Variants in APPBP2 observed in about 807,000 individuals in gnomAD.
APPBP2 encodes the protein amyloid protein-binding protein 2.
In APPBP2, 15 loss-of-function variants were observed where a neutral mutation model predicts 76.0. That is an observed-to-expected ratio of 0.20 (90% CI 0.13 to 0.30). The LOEUF is 0.30. Among genes scored for constraint, APPBP2 ranks in the 10% least tolerant of loss-of-function variants. The pLI is 1.00. For synonymous variants in APPBP2, 222 were observed against 242.2 expected (o/e 0.92, Z 0.77); for missense variants, 401 against 687.2 (o/e 0.58, Z 4.66).
At chr17:60,505,443 G>A (rs1008266201) in intron 1 of APPBP2, among the ~76,000 whole-genome samples, 4 of 152,186 alleles carry the variant, frequency 2.6e-5, no homozygotes, top group African/African-American at 9.7e-5. Flanking sequence ...AGCCTCCAGA[G>A]TAGCTGGGAC....
At chr17:60,507,047 A>T (rs986879743) in intron 1 of APPBP2, among the ~76,000 whole-genome samples, 4 of 151,594 alleles carry the variant, frequency 2.6e-5, no homozygotes, top group East Asian at 1.9e-4. Flanking sequence ...AAAAATAAAA[A>T]TTTTTTCTTT....
Position 60,466,391 on chromosome 17 carries a change from G to T in APPBP2, c.572C>A (p.Thr191Lys). Residue 191 changes from threonine to lysine, a missense_variant, in exon 5 of 13, where the codon ACA becomes AAA. Coordinates refer to ENST00000083182, the MANE Select transcript of APPBP2 (RefSeq NM_006380.5). ...LGEETFKLAQ[T>K]YMDKLSKHGQ... ...ATGTTTTGATAGTTTATCCATATAT[G>T]TCTGAGCTAATTTAAATGTTTCTTC... 1 of 1,613,818 alleles carries T rather than the reference G, an allele frequency of 6.2e-7. No individual in the cohort carries two copies. The highest frequency in any genetic ancestry group is 1.1e-5 in the South Asian group (1 of 91,076).
At chr17:60,512,832 T>TAAAAAAAAAAAAAAA (rs770075935) in intron 1 of APPBP2, among the ~76,000 whole-genome samples, 1 of 29,926 alleles carries the variant, frequency 3.3e-5, no homozygotes, top group African/African-American at 1.3e-4. Flanking sequence ...AGACTCCATC[T>TAAAAAAAAAAAAAAA]AAAAAAAAAA....
chr17:60,525,960 G>GCCT lies in APPBP2; in HGVS notation c.-32_-30dup, dbSNP rs750622476. ...CCTTCCCTCCTCCTCCGCCTCCTCC[G>GCCT]CCTCCTCCTCCCGAAGGCCCCCACC... On this transcript the variant is annotated 5_prime_UTR_variant, in exon 1 of 13. Transcript: ENST00000083182. 6.4e-7 allele frequency: 1 copy of GCCT among 1,557,628 alleles called. No homozygotes were observed. The highest frequency in any genetic ancestry group is 2.4e-5 in the East Asian group (1 of 42,360).
In APPBP2 at chr17:60,447,590, C is replaced by A; in HGVS notation, c.1749G>T (p.Pro583=). Residue 583 remains proline (P), a synonymous_variant, in exon 13 of 13, where the codon CCG becomes CCT. Coordinates refer to ENST00000083182, the MANE Select transcript of APPBP2 (RefSeq NM_006380.5). The part of the protein sequence containing the change: ...SFLISQNVEG[P]SC ...TAACTGAGGTCCTCCCTCAGCAGCT[C>A]GGTCCCTCGACATTCTGAGAAATCA... 6.2e-7 allele frequency: 1 copy of A among 1,611,166 alleles called. No homozygotes were observed. Among genetic ancestry groups the A allele is most frequent in the South Asian group, 1.1e-5 (1 of 90,780 alleles).
chr17:60,516,300 GA>G (rs1374948893), intron 1 of APPBP2, among the ~76,000 whole-genome samples: 1 of 152,158 alleles, frequency 6.6e-6, no homozygotes, highest in East Asian at 1.9e-4. Context: ...GTCTAAGAAT[GA>G]AAGTTTTTTC....
intron 5 of APPBP2, among the ~76,000 whole-genome samples, chr17:60,466,012 T>C (rs1014826699): frequency 2.6e-5 from 4 of 152,046 alleles, no homozygotes; most frequent in Admixed American, 6.6e-5. Flanking sequence ...TAATTTTCTA[T>C]AGAGGCAGGG....
chr17:60,459,022 C>T (rs1001861522), intron 9 of APPBP2, among the ~76,000 whole-genome samples: 1 of 152,038 alleles, frequency 6.6e-6, no homozygotes, highest in East Asian at 1.9e-4. Context: ...CTGCCCGCTT[C>T]GGCCTCCCAA....
chr17:60,471,191 A>G (rs1280843723), intron 4 of APPBP2, among the ~76,000 whole-genome samples: 1 of 152,118 alleles, frequency 6.6e-6, no homozygotes, highest in Non-Finnish European at 1.5e-5. Flanking sequence ...ATTTTCTCCC[A>G]TTCCATAGGT....
intron 1 of APPBP2, among the ~76,000 whole-genome samples, chr17:60,510,959 C>A (rs2090907291): frequency 6.6e-6 from 1 of 152,002 alleles, no homozygotes; most frequent in Non-Finnish European, 1.5e-5. Context: ...AGAGTTTTCC[C>A]CCCCAATGGT....
At chr17:60,491,418 TA>T (rs960134268) in intron 3 of APPBP2, among the ~76,000 whole-genome samples, 12 of 152,216 alleles carry the variant, frequency 7.9e-5, no homozygotes, top group African/African-American at 2.6e-4. Flanking sequence ...CATTTATTTT[TA>T]TTTTTTTATT....
chr17:60,463,764 C>A (rs917999446), intron 6 of APPBP2, among the ~76,000 whole-genome samples: 1 of 152,140 alleles, frequency 6.6e-6, no homozygotes. Context: ...TTGAGCTGTA[C>A]TTTAGTGCAC....
At chr17:60,449,642 G>A (rs992549717) in intron 12 of APPBP2, among the ~76,000 whole-genome samples, 2 of 151,712 alleles carry the variant, frequency 1.3e-5, no homozygotes, top group African/African-American at 4.8e-5. Flanking sequence ...AAATGGTCTT[G>A]GCTTAACTCT....
intron 2 of APPBP2, among the ~76,000 whole-genome samples, chr17:60,499,637 C>T (rs2090806376): frequency 6.6e-6 from 1 of 152,176 alleles, no homozygotes; most frequent in Non-Finnish European, 1.5e-5. Context: ...GTATTATTCA[C>T]ACTAGCCAAA....
In APPBP2 at chr17:60,470,793, AT is replaced by A. The variant is rs375651282; in HGVS notation, c.504-4335del. ...GGTTTCACCATGTTGGCCAGACTGG[AT>A]TTTTTTTTTTTTTTGAGATGGGGTC... On this transcript the variant is annotated intron_variant, in intron 4 of 12. Coordinates refer to ENST00000083182, the MANE Select transcript of APPBP2 (RefSeq NM_006380.5). Among the ~76,000 whole-genome samples the A allele has an allele frequency of 4.2e-3, 492 of 117,158 alleles. 1 individual carries two copies. The highest frequency in any genetic ancestry group is 0.018 in the Middle Eastern group (3 of 170). The allele number at this position is 117,158 out of a possible 152,430, so 76.9% of individuals were successfully genotyped here. A position where few individuals can be genotyped will look rare whatever the true frequency, so the allele number is the denominator to read the frequency against.
At chr17:60,511,053 A>AACTATACTT (rs2090908349) in intron 1 of APPBP2, among the ~76,000 whole-genome samples, 2 of 152,204 alleles carry the variant, frequency 1.3e-5, no homozygotes, top group East Asian at 3.8e-4. Context: ...TTTTCAAGAT[A>AACTATACTT]GTATGATTTT....
At position 60,500,419 on chromosome 17, in the gene APPBP2, T is replaced by A. The variant is rs760097681; in HGVS notation, c.207A>T (p.Val69=). ...TTTACCTTTTATCCAAAGCTCTCAG[T>A]ACTTTAGCAAAAACTTCCAATTCAC... ...EFCELEVFAK[V]LRALDKRHLL... The change falls in exon 2 of 13, where the codon GTA becomes GTT. Residue 69 remains valine (V), a synonymous_variant. Coordinates refer to ENST00000083182, the MANE Select transcript of APPBP2 (RefSeq NM_006380.5). 6.2e-7 allele frequency: 1 copy of A among 1,609,408 alleles called. No individual in the cohort carries two copies. Among genetic ancestry groups the A allele is most frequent in the Non-Finnish European group, 8.5e-7 (1 of 1,177,048 alleles).
intron 1 of APPBP2, among the ~76,000 whole-genome samples, chr17:60,516,495 C>T (rs1462879976): frequency 6.6e-6 from 1 of 152,156 alleles, no homozygotes; most frequent in East Asian, 1.9e-4. Context: ...ATTCCTGTGA[C>T]TGGTTTATTT....
In APPBP2 at chr17:60,500,501, C is replaced by G. The variant is rs750172738; in HGVS notation, c.139-14G>C. ...CTGTTGGTAAAGCTGAAATAAAAAA[C>G]AAATGATTTAAAAATTTTGCAATTT... On this transcript the variant is annotated splice_polypyrimidine_tract_variant and intron_variant, in intron 1 of 12. Coordinates refer to ENST00000083182, the MANE Select transcript of APPBP2 (RefSeq NM_006380.5). 6.3e-7 allele frequency: 1 copy of G among 1,576,270 alleles called. No homozygotes were observed. The highest frequency in any genetic ancestry group is 1.4e-5 in the African/African-American group (1 of 72,840).
Sources: gnomAD v4.1 joint callset for allele counts (sites outside exome capture counted in the v4.1 genomes callset) on GRCh38, gnomAD v4.1.1 for gene constraint, MANE v1.5 for transcripts, NCBI Gene and HGNC (gene_info 2026-07-23, HGNC 2026-07-21) for gene names.